NOX4: variants seen among roughly 807,000 people sequenced by gnomAD.
NOX4 encodes NADPH oxidase 4.
A neutral mutation model predicts 87.6 loss-of-function variants in NOX4; 69 were observed. That is an observed-to-expected ratio of 0.79 (90% CI 0.65 to 0.96). The LOEUF is 0.96. Ranked by LOEUF, NOX4 falls within the 40% of genes least tolerant of loss-of-function variation. The pLI, the probability that NOX4 is intolerant of heterozygous loss-of-function variation, is 0.00. For synonymous variants in NOX4, 275 were observed against 238.2 expected, an observed-to-expected ratio of 1.15 and a Z score of -1.42; for missense variants, 680 against 681.5, an observed-to-expected ratio of 1.00 and a Z score of 0.02.
the NOX4 span, among the ~76,000 whole-genome samples, chr11:89,509,651 C>G: frequency 6.6e-6 from 1 of 152,088 alleles, no homozygotes; most frequent in South Asian, 2.1e-4. Flanking sequence ...TGCCAAACAT[C>G]TGATGAAAGA....
chr11:89,484,817 AC>A (rs1946528237), intron 2 of NOX4, among the ~76,000 whole-genome samples: 1 of 152,154 alleles, frequency 6.6e-6, no homozygotes, highest in African/African-American at 2.4e-5. Context: ...AAGAATAAAA[AC>A]AAATAAGCAA....
chr11:89,357,312 G>C (rs190248410), intron 12 of NOX4, among the ~76,000 whole-genome samples: 82 of 151,570 alleles, frequency 5.4e-4, no homozygotes, highest in Non-Finnish European at 8.7e-4. Flanking sequence ...CTGAAGTCTA[G>C]AAATCCAAAA....
intron 9 of NOX4, among the ~76,000 whole-genome samples, chr11:89,401,242 A>T (rs1288117482): frequency 6.6e-6 from 1 of 152,092 alleles, no homozygotes; most frequent in Non-Finnish European, 1.5e-5. Context: ...CTGTGTTATG[A>T]GTAGCACTAC....
chr11:89,412,354 C>T (rs1211091222), intron 8 of NOX4, among the ~76,000 whole-genome samples: 1 of 152,102 alleles, frequency 6.6e-6, no homozygotes, highest in East Asian at 1.9e-4. Context: ...TATCCAATGG[C>T]TGCAGAACAC....
chr11:89,491,149 G>A, intron 1 of NOX4, 41 bp downstream of exon 1: 1 of 1,591,844 alleles, frequency 6.3e-7, no homozygotes, highest in African/African-American at 1.3e-5. Flanking sequence ...AATCACTGCA[G>A]GACAGAGAGA....
chr11:89,400,501 A>T (rs1414010883), intron 9 of NOX4, 122 bp from the exon 10 acceptor site: 1 of 608,678 alleles, frequency 1.6e-6, no homozygotes, highest in Non-Finnish European at 2.6e-6. Context: ...TTAAATAAGA[A>T]AACATAACAA....
intron 12 of NOX4, among the ~76,000 whole-genome samples, chr11:89,358,985 C>T (rs1023010940): frequency 6.6e-6 from 1 of 151,628 alleles, no homozygotes; most frequent in Non-Finnish European, 1.5e-5. Context: ...AGCTGACTAA[C>T]GATGTGATAA....
At chr11:89,510,632 C>T in the NOX4 span, among the ~76,000 whole-genome samples, 1 of 151,926 alleles carries the variant, frequency 6.6e-6, no homozygotes, top group Admixed American at 6.6e-5. Context: ...TAATAGCAGA[C>T]ACCCATAGTT....
chr11:89,331,412 G>T (rs920816121), intron 17 of NOX4, among the ~76,000 whole-genome samples: 11 of 151,502 alleles, frequency 7.3e-5, no homozygotes, highest in African/African-American at 2.4e-4. Context: ...TCCATTTTAA[G>T]AAACTAGTAA....
chr11:89,549,967 A>G, the NOX4 span, among the ~76,000 whole-genome samples: 1 of 152,096 alleles, frequency 6.6e-6, no homozygotes, highest in African/African-American at 2.4e-5. Context: ...ATATGTGTGT[A>G]TGTGTCTTTT....
intron 2 of NOX4, among the ~76,000 whole-genome samples, chr11:89,459,426 A>G (rs970611782): frequency 1.3e-5 from 2 of 152,110 alleles, no homozygotes; most frequent in African/African-American, 4.8e-5. Flanking sequence ...AAACCTGCAC[A>G]TGTACCACTG....
At chr11:89,461,479 C>T (rs1400080178) in intron 2 of NOX4, among the ~76,000 whole-genome samples, 2 of 151,524 alleles carry the variant, frequency 1.3e-5, no homozygotes, top group Non-Finnish European at 2.9e-5. Flanking sequence ...TCCGTCTCTA[C>T]TAAAAATACA....
intron 12 of NOX4, among the ~76,000 whole-genome samples, chr11:89,368,800 C>G (rs934065235): frequency 2.0e-5 from 3 of 152,056 alleles, no homozygotes; most frequent in African/African-American, 7.2e-5. Context: ...TCAGACATGA[C>G]TTCACTGACT....
intron 7 of NOX4, among the ~76,000 whole-genome samples, chr11:89,423,096 C>T (rs1011126522): frequency 2.0e-5 from 3 of 152,146 alleles, no homozygotes; most frequent in African/African-American, 7.2e-5. Context: ...CCATGCTTGG[C>T]CCTCTGATCC....
the NOX4 span, among the ~76,000 whole-genome samples, chr11:89,563,740 TTA>T: frequency 3.3e-5 from 5 of 152,320 alleles, no homozygotes; most frequent in African/African-American, 4.8e-5. Flanking sequence ...GAAAATGAAT[TTA>T]TATGAGTGAA....
chr11:89,340,259 T>C, intron 14 of NOX4, 88 bp from the exon 15 acceptor site: 1 of 837,530 alleles, frequency 1.2e-6, no homozygotes, highest in South Asian at 1.6e-5. Flanking sequence ...TCCTTTTCAT[T>C]AGTAAGCAAC....
chr11:89,376,787 CAGG>C (rs947664222), intron 11 of NOX4, among the ~76,000 whole-genome samples: 1 of 152,120 alleles, frequency 6.6e-6, no homozygotes, highest in Non-Finnish European at 1.5e-5. Context: ...GAGGCTGAGG[CAGG>C]AGAATGGTGT....
the NOX4 span, among the ~76,000 whole-genome samples, chr11:89,554,071 C>A: frequency 6.6e-6 from 1 of 150,870 alleles, no homozygotes; most frequent in East Asian, 2.0e-4. Flanking sequence ...AAAGTCTTTC[C>A]TAGGTTTCAA....
At chr11:89,559,728 G>T in the NOX4 span, among the ~76,000 whole-genome samples, 1 of 152,110 alleles carries the variant, frequency 6.6e-6, no homozygotes, top group Non-Finnish European at 1.5e-5. Flanking sequence ...TAATTGCTGT[G>T]TTTGGCAACT....
Sources: gnomAD v4.1 joint callset for allele counts (sites outside exome capture counted in the v4.1 genomes callset) on GRCh38, gnomAD v4.1.1 for gene constraint, MANE v1.5 for transcripts, NCBI Gene and HGNC (gene_info 2026-07-23, HGNC 2026-07-21) for gene names.